ATP10D: variants seen among roughly 807,000 people sequenced by gnomAD.
The protein encoded by ATP10D is phospholipid-transporting ATPase VD.
ATP10D carries 89 observed loss-of-function variants against 144.8 expected under a neutral mutation model. That is an observed-to-expected ratio of 0.61 (90% CI 0.52 to 0.73). ATP10D has a LOEUF of 0.73. ATP10D is among the 30% of genes least tolerant of loss of function. The pLI, the probability that ATP10D is intolerant of heterozygous loss-of-function variation, is 0.00. For synonymous variants in ATP10D, 571 were observed against 615.1 expected (o/e 0.93, Z 1.06); for missense variants, 1,603 against 1,714.8 (o/e 0.93, Z 1.15).
intron 19 of ATP10D, 100 bp from the exon 20 acceptor site, chr4:47,580,298 C>A: frequency 1.1e-6 from 1 of 948,298 alleles, no homozygotes; most frequent in Non-Finnish European, 1.7e-6. Flanking sequence ...AGAAATGGAG[C>A]TTTCTCTCAG....
chr4:47,590,830 A>G lies in ATP10D; in HGVS notation c.3942-212A>G, dbSNP rs1720994953. Among the ~76,000 whole-genome samples, 3 of 152,042 alleles carry G rather than the reference A, an allele frequency of 2.0e-5. No homozygotes were observed. The South Asian group carries it at 6.2e-4, about 32-fold the overall frequency. On this transcript the variant is annotated intron_variant, in intron 22 of 22. Transcript: ENST00000273859. ...CTTTTTAATAAACACTTATATGGCA[A>G]TTACTATTTTCTAATTGCTTTACAA...
chr4:47,542,493 C>A (rs183246435), intron 9 of ATP10D, among the ~76,000 whole-genome samples: 2 of 152,184 alleles, frequency 1.3e-5, no homozygotes, highest in Non-Finnish European at 2.9e-5. Context: ...GGTCTATTTC[C>A]TTTTTTGAGA....
Position 47,580,498 on chromosome 4 carries a change from G to A in ATP10D, c.3648+20G>A, listed in dbSNP as rs371049267. On this transcript the variant is annotated intron_variant, in intron 20 of 22. Transcript: ENST00000273859. ...TATTTTGTGAGTCTTTGTTCACTCAGTATATTTGTTATTAATGAATCAATG... is the reference window on the plus strand; with the variant it reads ...TATTTTGTGAGTCTTTGTTCACTCAATATATTTGTTATTAATGAATCAATG... 2.5e-6 allele frequency: 4 copies of A among 1,590,852 alleles called. No homozygotes were observed. Among genetic ancestry groups the A allele is most frequent in the Non-Finnish European group, 3.5e-6 (4 of 1,159,152 alleles).
chr4:47,490,369 T>G (rs1366609077), intron 1 of ATP10D, among the ~76,000 whole-genome samples: 1 of 152,234 alleles, frequency 6.6e-6, no homozygotes, highest in Non-Finnish European at 1.5e-5. Context: ...ATTATTATAC[T>G]TTTAAGATCC....
chr4:47,487,444 A>G (rs562506914), intron 1 of ATP10D, among the ~76,000 whole-genome samples: 2 of 152,314 alleles, frequency 1.3e-5, no homozygotes, highest in Admixed American at 6.5e-5. Flanking sequence ...TGTCTGATAT[A>G]GTTGGAAGTA....
At chr4:47,529,324 A>G (rs779405831) in intron 5 of ATP10D, among the ~76,000 whole-genome samples, 1 of 152,090 alleles carries the variant, frequency 6.6e-6, no homozygotes, top group African/African-American at 2.4e-5. Context: ...GTAGATGGTG[A>G]GAGGTAGGGA....
At chr4:47,573,407 TG>T (rs1720065975) in intron 18 of ATP10D, among the ~76,000 whole-genome samples, 1 of 152,224 alleles carries the variant, frequency 6.6e-6, no homozygotes. Flanking sequence ...ATGCCCCATG[TG>T]TTATAATAAA....
At chr4:47,578,887 T>C (rs1720370337) in intron 19 of ATP10D, among the ~76,000 whole-genome samples, 1 of 152,234 alleles carries the variant, frequency 6.6e-6, no homozygotes, top group African/African-American at 2.4e-5. Context: ...TATATTATTC[T>C]AAAGAATGGA....
chr4:47,487,492 A>G (rs1215385692), intron 1 of ATP10D, among the ~76,000 whole-genome samples: 1 of 152,232 alleles, frequency 6.6e-6, no homozygotes, highest in African/African-American at 2.4e-5. Flanking sequence ...AAATGCTACA[A>G]GTAAGATTGT....
intron 18 of ATP10D, among the ~76,000 whole-genome samples, chr4:47,576,572 G>A (rs1028911883): frequency 6.6e-6 from 1 of 152,172 alleles, no homozygotes; most frequent in Admixed American, 6.5e-5. Context: ...TGGGGTGTGA[G>A]TGTGTGTACA....
chr4:47,541,288 C>T (rs912401938), intron 9 of ATP10D, among the ~76,000 whole-genome samples: 2 of 151,906 alleles, frequency 1.3e-5, no homozygotes, highest in African/African-American at 2.4e-5. Context: ...GCTCATGGTC[C>T]GATGTGGGAG....
intron 2 of ATP10D, 39 bp from the exon 3 acceptor site, chr4:47,515,437 T>A (rs769952411): frequency 2.7e-5 from 41 of 1,538,510 alleles, no homozygotes; most frequent in Non-Finnish European, 3.4e-5. Context: ...GTCCTTGAAG[T>A]AACTTCTTAA....
intron 11 of ATP10D, among the ~76,000 whole-genome samples, chr4:47,555,497 A>G (rs1718939281): frequency 1.3e-5 from 2 of 152,194 alleles, no homozygotes; most frequent in South Asian, 4.1e-4. Flanking sequence ...TCCATTTTAC[A>G]GATGAGGCTA....
chr4:47,508,633 G>T (rs1343506988), intron 1 of ATP10D, among the ~76,000 whole-genome samples: 1 of 152,232 alleles, frequency 6.6e-6, no homozygotes, highest in Non-Finnish European at 1.5e-5. Flanking sequence ...AAAATGCAGG[G>T]TTGGAGTCAA....
intron 12 of ATP10D, among the ~76,000 whole-genome samples, chr4:47,558,592 C>G (rs1401107041): frequency 1.4e-4 from 22 of 152,178 alleles, no homozygotes. Flanking sequence ...ATACTATATG[C>G]AATGTATGAA....
chr4:47,524,645 T>C (rs991898497), intron 4 of ATP10D, among the ~76,000 whole-genome samples: 1 of 152,240 alleles, frequency 6.6e-6, no homozygotes, highest in Non-Finnish European at 1.5e-5. Flanking sequence ...AATCCTGCTC[T>C]AAACACTTTC....
At position 47,515,416 on chromosome 4, in the gene ATP10D, C is replaced by T; in HGVS notation, c.291-60C>T. On this transcript the variant is annotated intron_variant, in intron 2 of 22. Transcript: ENST00000273859. Reference sequence around the variant, plus strand: ...ACAGAAAAACAATATAGTACTTTGCCTCTGACATCAGTCCTTGAAGTAACT... The same window carrying T: ...ACAGAAAAACAATATAGTACTTTGCTTCTGACATCAGTCCTTGAAGTAACT... 4 of 1,370,924 alleles carry T rather than the reference C, an allele frequency of 2.9e-6. No homozygotes were observed. In the East Asian group the frequency reaches 6.9e-5, roughly 24 times the overall value. 84.9% of individuals were successfully genotyped at this position (1,370,924 alleles called of 1,614,324 possible).
At chr4:47,587,396 A>T (rs1388097457) in intron 22 of ATP10D, among the ~76,000 whole-genome samples, 190 bp downstream of exon 22, 2 of 152,148 alleles carry the variant, frequency 1.3e-5, no homozygotes, top group South Asian at 2.1e-4. Flanking sequence ...GCAAACCGAG[A>T]GACTGATTTA....
At chr4:47,499,319 T>C (rs1254289868) in intron 1 of ATP10D, among the ~76,000 whole-genome samples, 1 of 152,230 alleles carries the variant, frequency 6.6e-6, no homozygotes, top group Non-Finnish European at 1.5e-5. Flanking sequence ...TTTCAGTACC[T>C]ATTTTCTAAC....
Sources: gnomAD v4.1 joint callset for allele counts (sites outside exome capture counted in the v4.1 genomes callset) on GRCh38, gnomAD v4.1.1 for gene constraint, MANE v1.5 for transcripts, NCBI Gene and HGNC (gene_info 2026-07-23, HGNC 2026-07-21) for gene names.